Variants in EMSY observed in about 807,000 individuals in gnomAD.
EMSY encodes BRCA2-interacting transcriptional repressor EMSY.
EMSY carries 26 observed loss-of-function variants against 134.6 expected under a neutral mutation model. The ratio of observed to expected loss-of-function variants is 0.19; its 90% CI spans 0.14 to 0.27. The LOEUF (loss-of-function observed/expected upper bound fraction) is 0.27. Among genes scored for constraint, EMSY ranks in the 10% least tolerant of loss-of-function variants. EMSY has a pLI of 1.00. For synonymous variants in EMSY, 579 were observed against 577.8 expected (o/e 1.00, Z -0.03); for missense variants, 1,305 against 1,611.4 (o/e 0.81, Z 3.26).
intron 6 of EMSY, among the ~76,000 whole-genome samples, chr11:76,462,580 T>C (rs1269133122): frequency 1.3e-5 from 2 of 152,172 alleles, no homozygotes; most frequent in Non-Finnish European, 2.9e-5. Context: ...AAAGCTTCAC[T>C]AAGGAGATGG....
In EMSY at chr11:76,545,782, C is replaced by A. The variant is rs748698205; in HGVS notation, c.3274-15C>A. On this transcript the variant is annotated splice_polypyrimidine_tract_variant and intron_variant, in intron 19 of 20. Coordinates refer to ENST00000334736, the Ensembl canonical transcript of EMSY. Reference sequence around the variant, plus strand: ...AGATGTAGCTATAACACACACAACCCCAATTTATTTTCAGGTGGAGCAGCC... The same window carrying A: ...AGATGTAGCTATAACACACACAACCACAATTTATTTTCAGGTGGAGCAGCC... 1.9e-6 allele frequency: 3 copies of A among 1,587,464 alleles called. No individual in the cohort carries two copies. The highest frequency in any genetic ancestry group is 2.6e-6 in the Non-Finnish European group (3 of 1,167,572).
chr11:76,546,120 T>C (rs1443808647), exon 20 of EMSY: 1 of 1,614,060 alleles, frequency 6.2e-7, no homozygotes, highest in Non-Finnish European at 8.5e-7. Context: ...GGATGGCGAA[T>C]TCCACTCCCC....
Position 76,506,165 on chromosome 11 carries a change from T to TA in EMSY, c.1364-7212dup, listed in dbSNP as rs1006469690. 9.3e-5 allele frequency among the ~76,000 whole-genome samples: 14 copies of TA among 150,566 alleles called. No individual in the cohort carries two copies. In the South Asian group the frequency reaches 1.0e-3, roughly 11 times the overall value. ...AAATATAAAAAATATTCCAGGGCAT[T>TA]AAAAAAAAACTTTCAAAATTCTTTC... On this transcript the variant is annotated intron_variant, in intron 9 of 20. Transcript: ENST00000334736.
chr11:76,538,256 T>TTTTG (rs199686595), intron 16 of EMSY, among the ~76,000 whole-genome samples: 3 of 151,956 alleles, frequency 2.0e-5, no homozygotes, highest in South Asian at 2.1e-4. Flanking sequence ...TTTGTTTGTT[T>TTTTG]TTTGTTTGTT....
chr11:76,540,424 G>T (rs1951392416), intron 17 of EMSY, among the ~76,000 whole-genome samples: 1 of 152,056 alleles, frequency 6.6e-6, no homozygotes, highest in African/African-American at 2.4e-5. Context: ...ACATATGGAA[G>T]ATTTTATTAA....
At chr11:76,450,789 G>A (rs1423487647) in intron 2 of EMSY, among the ~76,000 whole-genome samples, 2 of 101,702 alleles carry the variant, frequency 2.0e-5, no homozygotes, top group Non-Finnish European at 3.8e-5. Flanking sequence ...ATGAAGCCTG[G>A]CCAGATTTTT....
chr11:76,552,071 T>C (rs1951849667), downstream of EMSY: 1 of 152,204 alleles, frequency 6.6e-6, no homozygotes, highest in South Asian at 2.1e-4. Flanking sequence ...TCATCTACAT[T>C]TTTTTAAAGA....
intron 2 of EMSY, among the ~76,000 whole-genome samples, chr11:76,447,866 A>C (rs1947484972): frequency 6.6e-6 from 1 of 152,208 alleles, no homozygotes; most frequent in African/African-American, 2.4e-5. Context: ...CTAGCACAAT[A>C]AATGAAATAA....
chr11:76,552,343 G>GT (rs1031363731), downstream of EMSY: 2 of 152,024 alleles, frequency 1.3e-5, no homozygotes, highest in African/African-American at 2.4e-5. Context: ...CAATACTTAG[G>GT]TTTTTTTATA....
chr11:76,513,638 G>C, intron 10 of EMSY, 103 bp downstream of exon 11: 1 of 1,286,626 alleles, frequency 7.8e-7, no homozygotes, highest in Non-Finnish European at 1.1e-6. Flanking sequence ...AGATTAATGG[G>C]ACAGTTTTTC....
chr11:76,447,104 C>T, intron 2 of EMSY, 96 bp downstream of exon 2: 1 of 1,152,806 alleles, frequency 8.7e-7, no homozygotes, highest in Admixed American at 2.0e-5. Context: ...ATATCTCACG[C>T]TACATCAGAA....
chr11:76,518,700 TATA>T lies in EMSY; in HGVS notation c.1684+2389_1684+2391del, dbSNP rs1295558336. 3.9e-3 allele frequency among the ~76,000 whole-genome samples: 495 copies of T among 126,358 alleles called. 4 individuals carry two copies. The highest frequency in any genetic ancestry group is 0.014 in the African/African-American group (467 of 32,974). 82.9% of individuals were successfully genotyped at this position (126,358 alleles called of 152,430 possible). On this transcript the variant is annotated intron_variant, in intron 11 of 20. Transcript: ENST00000334736. ...GTGTGCGCGCATATATATATATATA[TATA>T]TTTTTTTTTTAATTGGGATCTAATA...
intron 12 of EMSY, among the ~76,000 whole-genome samples, chr11:76,523,713 T>TTTTTTTTTTTTTTTTTTTA (rs1950735752): frequency 6.8e-6 from 1 of 147,692 alleles, no homozygotes; most frequent in Non-Finnish European, 1.5e-5. Flanking sequence ...TCTTTTTTTT[T>TTTTTTTTTTTTTTTTTTTA]TTTTTTTTTT....
At chr11:76,461,311 A>G (rs1399259095) in intron 6 of EMSY, among the ~76,000 whole-genome samples, 1 of 152,206 alleles carries the variant, frequency 6.6e-6, no homozygotes, top group Admixed American at 6.5e-5. Context: ...TGTTTTAGAC[A>G]GGAACAATTC....
At chr11:76,505,778 A>AC (rs1358528853) in intron 9 of EMSY, among the ~76,000 whole-genome samples, 1 of 151,654 alleles carries the variant, frequency 6.6e-6, no homozygotes, top group Non-Finnish European at 1.5e-5. Flanking sequence ...AATCGCGTGA[A>AC]CCCGGGGGGT....
At position 76,537,951 on chromosome 11, in the gene EMSY, G is replaced by A. The variant is rs1951286465; in HGVS notation, c.2515+1G>A. The A allele has an allele frequency of 2.5e-6, 4 of 1,605,152 alleles. No homozygotes were observed. In the South Asian group the frequency reaches 4.5e-5, roughly 18 times the overall value. The stretch of plus-strand genomic sequence containing the variant: ...CTAGTAGCTGAATACATCACTACTG[G>A]TAGGTGTCCTCTTAAAATGTAGTAT... On this transcript the variant is annotated splice_donor_variant, in intron 16 of 20. Coordinates refer to ENST00000334736, the Ensembl canonical transcript of EMSY. LOFTEE classifies it high-confidence loss of function.
intron 9 of EMSY, among the ~76,000 whole-genome samples, chr11:76,506,009 T>A (rs908670572): frequency 3.3e-5 from 5 of 152,082 alleles, no homozygotes; most frequent in East Asian, 3.9e-4. Flanking sequence ...ACAAAAAAAA[T>A]TTTTTTAATT....
At chr11:76,460,880 C>G (rs1214569478) in intron 6 of EMSY, 1 of 151,940 alleles carries the variant, frequency 6.6e-6, no homozygotes, top group Non-Finnish European at 1.5e-5. Flanking sequence ...GTCCCAGCTA[C>G]TCGGGAGGCC....
At chr11:76,508,788 A>G (rs1950171481) in intron 9 of EMSY, among the ~76,000 whole-genome samples, 1 of 152,318 alleles carries the variant, frequency 6.6e-6, no homozygotes, top group East Asian at 1.9e-4. Flanking sequence ...CATTCTGTAG[A>G]TGGTTTCTTT....
Sources: allele counts gnomAD v4.1 joint callset (sites outside exome capture counted in the v4.1 genomes callset), GRCh38; gene constraint gnomAD v4.1.1; transcripts MANE v1.5; gene names NCBI Gene and HGNC (gene_info 2026-07-23, HGNC 2026-07-21).